Variants in MAPK15 observed in about 807,000 individuals in gnomAD.
The protein encoded by MAPK15 is ERK-7.
Under a neutral mutation model 60.8 loss-of-function variants are expected in MAPK15, and 61 were observed. The observed-to-expected ratio is 1.00, with a 90% confidence interval of 0.82 to 1.24. The LOEUF (loss-of-function observed/expected upper bound fraction) is 1.24. Among genes scored for constraint, MAPK15 ranks in the 50% most tolerant of loss-of-function variants. The pLI is 0.00. For synonymous variants in MAPK15, 356 were observed against 319.9 expected (o/e 1.11, Z -1.21); for missense variants, 808 against 741.1 (o/e 1.09, Z -1.05).
rs782026774 is a variant in MAPK15, at chr8:143,720,675, C to T, written c.780-28C>T. ...CTGAGGAGGGGCCCTTGGGTCGGGC[C>T]CTGGAGACGACACACGGCAGCCCAC... On this transcript the variant is annotated intron_variant, in intron 8 of 13. Transcript: ENST00000338033. The surrounding 1 kb of genome is among the most constrained non-coding windows in gnomAD (Gnocchi z 4.6). 1 of 1,599,526 alleles carries T rather than the reference C, an allele frequency of 6.3e-7. No homozygotes were observed. The highest frequency in any genetic ancestry group is 1.3e-5 in the African/African-American group (1 of 74,832).
At position 143,719,389 on chromosome 8, in the gene MAPK15, G is replaced by A. The variant is rs1447136347; in HGVS notation, c.628G>A (p.Glu210Lys). 1.2e-6 allele frequency: 2 copies of A among 1,611,562 alleles called. No homozygotes were observed. The highest frequency in any genetic ancestry group is 1.7e-6 in the Non-Finnish European group (2 of 1,178,984). ...DMWSLGCILG[E>K]MLRGRPLFPG... is the part of the protein sequence containing the mutation. ...GTGGAGTCTGGGCTGTATCCTGGGG[G>A]AGATGCTGCGGGGGAGACCCCTGTT... Residue 210 changes from glutamate to lysine, a missense_variant, in exon 7 of 14, where the codon GAG becomes AAG. Glu to Lys is a moderately conservative substitution (Grantham distance 56). Coordinates refer to ENST00000338033, the MANE Select transcript of MAPK15 (RefSeq NM_139021.3).
rs57251281 is a variant in MAPK15 at position 143,722,334 on chromosome 8, G to A, written c.*83G>A. ...CCTCTCCAGTCTCCTGCACCCCTTA[G>A]CCCTCCCTGCTTTGCCTGGCCCGTT... On this transcript the variant is annotated 3_prime_UTR_variant, in exon 14 of 14. Transcript: ENST00000338033. 1.6e-6 allele frequency: 2 copies of A among 1,289,318 alleles called. No homozygotes were observed. Among genetic ancestry groups the A allele is most frequent in the South Asian group, 1.5e-5 (1 of 66,278 alleles). The allele number at this position is 1,289,318 out of a possible 1,614,324, so 79.9% of individuals were successfully genotyped here.
chr8:143,719,181 C>A, intron 6 of MAPK15, 25 bp downstream of exon 6: 2 of 1,513,910 alleles, frequency 1.3e-6, no homozygotes, highest in Non-Finnish European at 1.8e-6. Context: ...TCCCCAACCC[C>A]CCCTCCACCT....
In MAPK15 at chr8:143,720,217, T is replaced by A; in HGVS notation, c.722-13T>A. 6.4e-7 allele frequency: 1 copy of A among 1,563,520 alleles called. No individual in the cohort carries two copies. Among genetic ancestry groups the A allele is most frequent in the Non-Finnish European group, 8.7e-7 (1 of 1,153,822 alleles). The stretch of plus-strand genomic sequence containing the variant: ...CAGGCCTGCCTGGGTCACACCACCT[T>A]CTGCTGCCCCAGACCTCCTGGCTCT... On this transcript the variant is annotated splice_polypyrimidine_tract_variant and intron_variant, in intron 7 of 13. Transcript: ENST00000338033. This position sits in a 1 kb window ranked among gnomAD's most constrained non-coding sequence, Gnocchi z 4.6.
rs1416327125 is a variant in MAPK15 at position 143,722,411 on chromosome 8, T to C, written c.*160T>C. 5 of 576,888 alleles carry C rather than the reference T, an allele frequency of 8.7e-6. No homozygotes were observed. Among genetic ancestry groups the C allele is most frequent in the East Asian group, 3.3e-5 (1 of 30,582 alleles). The allele number at this position is 576,888 out of a possible 1,614,324, so 35.7% of individuals were successfully genotyped here. ...TCCTCGGGGGAGCAGATGAGGGCCC[T>C]GCCCCCGCCCCACTGACTTCCTCCA... On this transcript the variant is annotated 3_prime_UTR_variant, in exon 14 of 14. Transcript: ENST00000338033.
Position 143,719,448 on chromosome 8 carries a change from G to T in MAPK15, c.687G>T (p.Leu229=). 2.5e-6 allele frequency: 4 copies of T among 1,608,140 alleles called. No individual in the cohort carries two copies. Among genetic ancestry groups the T allele is most frequent in the Non-Finnish European group, 3.4e-6 (4 of 1,178,478 alleles). ...CGTCCACCCTCCACCAGCTGGAGCT[G>T]ATCCTGGAGACCATCCCACCGCCAT... The part of the protein sequence containing the change: ...PGTSTLHQLE[L]ILETIPPPSE... The change falls in exon 7 of 14, where the codon CTG becomes CTT. Residue 229 remains leucine (L), a synonymous_variant. Coordinates refer to ENST00000338033, the MANE Select transcript of MAPK15 (RefSeq NM_139021.3).
Position 143,720,141 on chromosome 8 carries a change from G to A in MAPK15, c.722-89G>A, listed in dbSNP as rs1817988888. 6.6e-7 allele frequency: 1 copy of A among 1,520,262 alleles called. No individual in the cohort carries two copies. The highest frequency in any genetic ancestry group is 1.4e-5 in the African/African-American group (1 of 72,698). The allele number at this position is 1,520,262 out of a possible 1,614,324, so 94.2% of individuals were successfully genotyped here. ...ACCCTGTAGAGAGGCTGTGCTCCCT[G>A]GGGCTGGAAGAGATGACTGGCCCCA... On this transcript the variant is annotated intron_variant, in intron 7 of 13. Transcript: ENST00000338033. This position sits in a 1 kb window ranked among gnomAD's most constrained non-coding sequence, Gnocchi z 4.6.
chr8:143,716,540 C>A, intron 1 of MAPK15, 97 bp downstream of exon 1: 1 of 1,114,012 alleles, frequency 9.0e-7, no homozygotes, highest in Non-Finnish European at 1.2e-6. Flanking sequence ...AGGCCTGTTC[C>A]GTCACACACT....
Position 143,716,399 on chromosome 8 carries a change from C to A in MAPK15, c.22C>A (p.Arg8Ser). 6.2e-7 allele frequency: 1 copy of A among 1,605,624 alleles called. No homozygotes were observed. The highest frequency in any genetic ancestry group is 8.5e-7 in the Non-Finnish European group (1 of 1,176,974). Residue 8 changes from arginine (R) to serine (S), a missense_variant, in exon 1 of 14, where the codon CGC becomes AGC. Transcript: ENST00000338033. ...CGCCATGTGCACCGTAGTGGACCCTCGCATTGTCCGGAGATACCTACTCAG... is the reference window on the plus strand; with the variant it reads ...CGCCATGTGCACCGTAGTGGACCCTAGCATTGTCCGGAGATACCTACTCAG... The part of the protein sequence containing the change: MCTVVDP[R>S]IVRRYLLRRQ...
In MAPK15 at chr8:143,718,924, C is replaced by G; in HGVS notation, c.417+19C>G. On this transcript the variant is annotated intron_variant, in intron 5 of 13. Transcript: ENST00000338033. ...CCAGAAGGTGCGGTTCCCCCGCCCCCGCTATGCCACGTGGCCCGGCTCCCG... is the reference window on the plus strand; with the variant it reads ...CCAGAAGGTGCGGTTCCCCCGCCCCGGCTATGCCACGTGGCCCGGCTCCCG... The G allele has an allele frequency of 6.3e-7, 1 of 1,598,388 alleles. No homozygotes were observed. Among genetic ancestry groups the G allele is most frequent in the Non-Finnish European group, 8.5e-7 (1 of 1,171,426 alleles).
In MAPK15 at chr8:143,721,076, G is replaced by C. The variant is rs782573653; in HGVS notation, c.994G>C (p.Val332Leu). 6.2e-7 allele frequency: 1 copy of C among 1,611,908 alleles called. No individual in the cohort carries two copies. The highest frequency in any genetic ancestry group is 1.1e-5 in the South Asian group (1 of 91,008). The stretch of plus-strand genomic sequence containing the variant: ...GGCACACGAAGGGGTCCAGCTCTCT[G>C]TGCCTGAGTACCGCAGCCGCGTCTA... ...PRAHEGVQLS[V>L]PEYRSRVYQM... Residue 332 changes from valine to leucine, a missense_variant, in exon 10 of 14, where the codon GTG (valine) becomes CTG (leucine). Val to Leu is a conservative substitution (Grantham distance 32). Coordinates refer to ENST00000338033, the MANE Select transcript of MAPK15 (RefSeq NM_139021.3).
Position 143,721,265 on chromosome 8 carries a change from CGA to C in MAPK15, c.1065_1066del (p.Lys356GlyfsTer24). On this transcript the variant is annotated frameshift_variant, in exon 11 of 14. Transcript: ENST00000338033. LOFTEE classifies it high-confidence loss of function. The stretch of plus-strand genomic sequence containing the variant: ...GAGTGTGGAGGCAGCAGCGGCACCT[CGA>C]GAGAGAAGGGCCCGGAGGGTGTCTC... 3 of 1,612,994 alleles carry C rather than the reference CGA, an allele frequency of 1.9e-6. No individual in the cohort carries two copies. Among genetic ancestry groups the C allele is most frequent in the South Asian group, 2.2e-5 (2 of 90,964 alleles).
chr8:143,718,727 G>GGCCCCCCCCCCCCCCCCCCCCC, intron 4 of MAPK15, 48 bp from the exon 5 acceptor site: 5 of 514,490 alleles, frequency 9.7e-6, no homozygotes, highest in Non-Finnish European at 1.6e-5. Flanking sequence ...CCCCCAGGTT[G>GGCCCCCCCCCCCCCCCCCCCCC]CCCCCCCAGC....
chr8:143,722,018 TC>T lies in MAPK15; in HGVS notation c.1459-53del, dbSNP rs1818100033. ...CAAATCTCTCGAGGACCTCAAGGCCTCCCCTCCACTGCACCCCCTCTGATGG... is the reference window on the plus strand; with the variant it reads ...CAAATCTCTCGAGGACCTCAAGGCCTCCCTCCACTGCACCCCCTCTGATGG... On this transcript the variant is annotated intron_variant, in intron 13 of 13. Coordinates refer to ENST00000338033, the MANE Select transcript of MAPK15 (RefSeq NM_139021.3). The T allele has an allele frequency of 1.9e-6, 3 of 1,552,704 alleles. No homozygotes were observed. The East Asian group carries it at 6.9e-5, about 36-fold the overall frequency.
In MAPK15 at chr8:143,722,054, G is replaced by A. The variant is rs200749382; in HGVS notation, c.1459-21G>A. Reference sequence around the variant, plus strand: ...GCACCCCCTCTGATGGCCCCTTTATGTGACCCTCAACTGTACACAGGTCCC... The same window carrying A: ...GCACCCCCTCTGATGGCCCCTTTATATGACCCTCAACTGTACACAGGTCCC... On this transcript the variant is annotated intron_variant, in intron 13 of 13. Transcript: ENST00000338033. 5.2e-4 allele frequency: 837 copies of A among 1,607,212 alleles called. 2 individuals are homozygous for A. Among genetic ancestry groups the A allele is most frequent in the Non-Finnish European group, 4.6e-4 (547 of 1,177,606 alleles).
intron 4 of MAPK15, 29 bp from the exon 5 acceptor site, chr8:143,718,746 C>CCCCCCCCCT: frequency 6.7e-7 from 1 of 1,492,532 alleles, no homozygotes; most frequent in South Asian, 1.3e-5. Context: ...GCCCCCCACC[C>CCCCCCCCCT]CCGACTGCAG....
rs34410761 is a variant in MAPK15 at position 143,721,280 on chromosome 8, C to A, written c.1073C>A (p.Pro358Gln). Reference protein sequence around the residue: ...GSSGTSREKGPEGVSPSQAHL... With the variant: ...GSSGTSREKGQEGVSPSQAHL... ...AGCGGCACCTCGAGAGAGAAGGGCC[C>A]GGAGGGTGTCTCCCCAAGCCAGGCA... The change falls in exon 11 of 14, where the codon CCG becomes CAG. Residue 358 changes from proline to glutamine, a missense_variant. Physicochemically the swap from Pro to Gln is moderately conservative, Grantham distance 76 (BLOSUM62 -1). Coordinates refer to ENST00000338033, the MANE Select transcript of MAPK15 (RefSeq NM_139021.3). The A allele has an allele frequency of 1.2e-6, 2 of 1,613,258 alleles. No individual in the cohort carries two copies. The highest frequency in any genetic ancestry group is 2.7e-5 in the African/African-American group (2 of 74,842).
rs782526771 is a variant in MAPK15 at position 143,719,469 on chromosome 8, G to T, written c.708G>T (p.Pro236=). 8.7e-6 allele frequency: 14 copies of T among 1,607,484 alleles called. No homozygotes were observed. The highest frequency in any genetic ancestry group is 1.1e-5 in the Non-Finnish European group (13 of 1,178,222). ...QLELILETIP[P]PSEEDLLALG... ...AGCTGATCCTGGAGACCATCCCACC[G>T]CCATCTGAGGAGGGTGAGCCAGGCT... is the stretch of plus-strand genomic sequence containing the variant. The change falls in exon 7 of 14, where the codon CCG becomes CCT. Residue 236 remains proline, a synonymous_variant. Coordinates refer to ENST00000338033, the MANE Select transcript of MAPK15 (RefSeq NM_139021.3).
At chr8:143,718,727 G>GTTCCCCCCCCCCCCCCCCCCCCCC in intron 4 of MAPK15, 48 bp from the exon 5 acceptor site, 1 of 514,524 alleles carries the variant, frequency 1.9e-6, no homozygotes. Context: ...CCCCCAGGTT[G>GTTCCCCCCCCCCCCCCCCCCCCCC]CCCCCCCAGC....
Sources: allele counts gnomAD v4.1 joint callset, GRCh38; gene constraint gnomAD v4.1.1; non-coding constraint Gnocchi (gnomAD v3.1); transcripts MANE v1.5; gene names NCBI Gene and HGNC (gene_info 2026-07-23, HGNC 2026-07-21).